ADGRB3: variants seen among roughly 807,000 people sequenced by gnomAD.
The protein encoded by ADGRB3 is brain-specific angiogenesis inhibitor 3.
Under a neutral mutation model 193.4 loss-of-function variants are expected in ADGRB3, and 37 were observed. The ratio of observed to expected loss-of-function variants is 0.19; its 90% CI spans 0.15 to 0.25. The LOEUF is 0.25. ADGRB3 is among the 10% of genes least tolerant of loss of function. The pLI is 1.00. For missense variants in ADGRB3, 1,637 were observed against 1,852.9 expected, an observed-to-expected ratio of 0.88 and a Z score of 2.14; for synonymous variants, 690 against 644.2, an observed-to-expected ratio of 1.07 and a Z score of -1.08.
chr6:68,920,295 A>C (rs1766999298), intron 3 of ADGRB3, among the ~76,000 whole-genome samples: 1 of 152,126 alleles, frequency 6.6e-6, no homozygotes, highest in Admixed American at 6.5e-5. Context: ...AGGCAGGTGG[A>C]TCACCTGAGG....
intron 16 of ADGRB3, among the ~76,000 whole-genome samples, chr6:69,072,692 A>G (rs138020375): frequency 2.0e-5 from 3 of 152,336 alleles, no homozygotes; most frequent in Non-Finnish European, 2.9e-5. Flanking sequence ...CAAGTTCCTC[A>G]GCTGCACTTG....
chr6:69,152,729 A>C (rs981700029), intron 17 of ADGRB3, among the ~76,000 whole-genome samples: 5 of 152,338 alleles, frequency 3.3e-5, no homozygotes, highest in Middle Eastern at 3.4e-3. Context: ...CATTTAAGAA[A>C]ATTTTTAGTG....
At chr6:68,712,776 C>T (rs907488936) in intron 3 of ADGRB3, among the ~76,000 whole-genome samples, 3 of 151,924 alleles carry the variant, frequency 2.0e-5, no homozygotes, top group Admixed American at 6.6e-5. Flanking sequence ...GTTGGGAATA[C>T]TCACTGTTTA....
At chr6:68,668,475 A>G (rs73461958) in intron 3 of ADGRB3, among the ~76,000 whole-genome samples, 1 of 152,052 alleles carries the variant, frequency 6.6e-6, no homozygotes, top group South Asian at 2.1e-4. Context: ...AATTGTATTC[A>G]TTTTTATGGA....
chr6:68,824,845 C>T (rs762223663), intron 3 of ADGRB3, among the ~76,000 whole-genome samples: 19 of 151,626 alleles, frequency 1.3e-4, no homozygotes, highest in Non-Finnish European at 2.1e-4. Context: ...TCCAGTAAAT[C>T]TATAATCTGA....
At chr6:68,717,784 A>C (rs1765512337) in intron 3 of ADGRB3, among the ~76,000 whole-genome samples, 1 of 151,722 alleles carries the variant, frequency 6.6e-6, no homozygotes, top group Non-Finnish European at 1.5e-5. Context: ...TCAAGAAAAA[A>C]ATATGGAGAA....
At chr6:68,783,370 ATATGT>A (rs1766898244) in intron 3 of ADGRB3, among the ~76,000 whole-genome samples, 1 of 148,706 alleles carries the variant, frequency 6.7e-6, no homozygotes, top group Admixed American at 6.8e-5. Context: ...TTACATGTAT[ATATGT>A]AAGTTTTAGA....
chr6:69,294,835 G>A (rs1767773752), intron 20 of ADGRB3, among the ~76,000 whole-genome samples: 1 of 151,966 alleles, frequency 6.6e-6, no homozygotes, highest in South Asian at 2.1e-4. Context: ...ACCAATCTTT[G>A]TCCCTTTTTG....
At chr6:68,879,213 C>CTTTTTTTTTTTTTTTTT (rs529789046) in intron 3 of ADGRB3, among the ~76,000 whole-genome samples, 2 of 91,906 alleles carry the variant, frequency 2.2e-5, no homozygotes, top group Non-Finnish European at 2.0e-5. Flanking sequence ...CTTTTTGTCG[C>CTTTTTTTTTTTTTTTTT]TTTTTTTTTT....
rs368926294 is a variant in ADGRB3, at chr6:68,999,086, A to G, written c.1929+5124A>G. On this transcript the variant is annotated intron_variant, in intron 11 of 31. Transcript: ENST00000370598. ...GAGATGTTAAAATTGTAAAAACCTC[A>G]TACAATAAAAATGTGCTTATATGTT... Among the ~76,000 whole-genome samples the G allele has an allele frequency of 1.8e-4, 28 of 152,344 alleles. No individual in the cohort carries two copies. In the East Asian group the frequency reaches 4.0e-3, roughly 22 times the overall value.
chr6:68,913,446 C>T (rs1487785064), intron 3 of ADGRB3, among the ~76,000 whole-genome samples: 1 of 152,200 alleles, frequency 6.6e-6, no homozygotes, highest in East Asian at 1.9e-4. Context: ...CTGGAGTGGA[C>T]CTCTAGCAAA....
intron 22 of ADGRB3, among the ~76,000 whole-genome samples, chr6:69,329,692 T>C (rs901641508): frequency 6.6e-6 from 1 of 152,180 alleles, no homozygotes; most frequent in Non-Finnish European, 1.5e-5. Flanking sequence ...CATGAAATGG[T>C]GGCCATGACT....
intron 16 of ADGRB3, among the ~76,000 whole-genome samples, chr6:69,064,180 CT>C (rs1297700864): frequency 1.3e-5 from 2 of 151,872 alleles, no homozygotes; most frequent in Admixed American, 1.3e-4. Context: ...CTGTGAATCA[CT>C]TTTTCTAAGA....
intron 20 of ADGRB3, among the ~76,000 whole-genome samples, chr6:69,256,993 G>A (rs1328041024): frequency 1.3e-5 from 2 of 152,070 alleles, no homozygotes; most frequent in Admixed American, 6.5e-5. Flanking sequence ...CTGTTTATAT[G>A]CTGGATTACA....
rs149966299 is a variant in ADGRB3 at position 69,094,588 on chromosome 6, G to T, written c.2480+18550G>T. 4.3e-3 allele frequency among the ~76,000 whole-genome samples: 658 copies of T among 152,250 alleles called. 8 individuals are homozygous for T. The highest frequency in any genetic ancestry group is 0.022 in the East Asian group (114 of 5,180). ...GCTGTTGAAAGCTATATGTCATACC[G>T]TGTTTACAATTGTAGTTATCAGAAG... On this transcript the variant is annotated intron_variant, in intron 17 of 31. Coordinates refer to ENST00000370598, the MANE Select transcript of ADGRB3 (RefSeq NM_001704.3).
At chr6:69,281,351 C>G (rs1438940580) in intron 20 of ADGRB3, among the ~76,000 whole-genome samples, 1 of 152,152 alleles carries the variant, frequency 6.6e-6, no homozygotes, top group Non-Finnish European at 1.5e-5. Context: ...AGTGTTTCTA[C>G]TCATTTTCCA....
intron 3 of ADGRB3, among the ~76,000 whole-genome samples, chr6:68,775,423 T>C (rs1459238060): frequency 6.6e-6 from 1 of 152,088 alleles, no homozygotes; most frequent in African/African-American, 2.4e-5. Context: ...GTGTCTTTTT[T>C]CAGGGAGAAG....
intron 6 of ADGRB3, among the ~76,000 whole-genome samples, chr6:68,948,521 C>G (rs999475131): frequency 6.6e-6 from 1 of 152,002 alleles, no homozygotes; most frequent in Non-Finnish European, 1.5e-5. Context: ...ATAACCATTT[C>G]CAAAATTAAA....
intron 3 of ADGRB3, among the ~76,000 whole-genome samples, chr6:68,662,227 G>C (rs1266050279): frequency 6.6e-6 from 1 of 151,592 alleles, no homozygotes; most frequent in African/African-American, 2.4e-5. Flanking sequence ...ACAAATCTGA[G>C]CAGCTTAGAA....
Sources: gnomAD v4.1 joint callset for allele counts (sites outside exome capture counted in the v4.1 genomes callset) on GRCh38, gnomAD v4.1.1 for gene constraint, MANE v1.5 for transcripts, NCBI Gene and HGNC (gene_info 2026-07-23, HGNC 2026-07-21) for gene names.